PDZD2: variants seen among roughly 807,000 people sequenced by gnomAD.
PDZD2 encodes the protein PDZ domain containing 2.
In PDZD2, 90 loss-of-function variants were observed where a neutral mutation model predicts 220.7. The ratio of observed to expected loss-of-function variants is 0.41; its 90% CI spans 0.34 to 0.49. The LOEUF (loss-of-function observed/expected upper bound fraction) is 0.49. Ranked by LOEUF, PDZD2 falls within the 20% of genes least tolerant of loss-of-function variation. The pLI is 0.28. For missense variants in PDZD2, 3,174 were observed against 3,608.5 expected (o/e 0.88, Z 3.08); for synonymous variants, 1,375 against 1,450.5 (o/e 0.95, Z 1.18).
rs1742791210 is a variant in PDZD2, at chr5:32,088,871, A to G, written c.5423A>G (p.His1808Arg). Residue 1808 changes from histidine (H) to arginine (R), a missense_variant, in exon 20 of 25, where the codon CAT becomes CGT. His to Arg is a conservative substitution (Grantham distance 29). Coordinates refer to ENST00000438447, the MANE Select transcript of PDZD2 (RefSeq NM_178140.4). The surrounding 1 kb of genome is among the most constrained non-coding windows in gnomAD (Gnocchi z 4.6). ...GCCTGGTTTAAAGAAATAAATAAAC[A>G]TAACCAAGGCACACATTTGAGGAGC... ...IMAWFKEINK[H>R]NQGTHLRSKT... 6 of 1,614,132 alleles carry G rather than the reference A, an allele frequency of 3.7e-6. No individual in the cohort carries two copies. The East Asian group carries it at 1.3e-4, about 36-fold the overall frequency.
intron 7 of PDZD2, among the ~76,000 whole-genome samples, chr5:32,042,432 G>T (rs189300721): frequency 6.6e-6 from 1 of 151,882 alleles, no homozygotes; most frequent in Non-Finnish European, 1.5e-5. Context: ...AATTAGTTGG[G>T]TGTGGTGGCA....
intron 1 of PDZD2, among the ~76,000 whole-genome samples, chr5:31,648,374 C>T (rs1355580802): frequency 6.6e-6 from 1 of 152,126 alleles, no homozygotes; most frequent in Non-Finnish European, 1.5e-5. Context: ...TTTCCTTCTC[C>T]TCCTCCCGTC....
At position 32,000,040 on chromosome 5, in the gene PDZD2, A is replaced by T. The variant is rs1273102492; in HGVS notation, c.1122-99A>T. On this transcript the variant is annotated intron_variant, in intron 4 of 24. Coordinates refer to ENST00000438447, the MANE Select transcript of PDZD2 (RefSeq NM_178140.4). This position sits in a 1 kb window ranked among gnomAD's most constrained non-coding sequence, Gnocchi z 4.5. The stretch of plus-strand genomic sequence containing the variant: ...CAGTATCCTCTTTAGCCCAATCTTA[A>T]CCGTCCCTCCTCACAACCCTCCCTA... 6.9e-6 allele frequency: 7 copies of T among 1,020,682 alleles called. No homozygotes were observed. The highest frequency in any genetic ancestry group is 1.0e-5 in the Non-Finnish European group (7 of 676,584). The allele number at this position is 1,020,682 out of a possible 1,614,324, so 63.2% of individuals were successfully genotyped here.
At chr5:31,744,355 A>C (rs1364777369) in intron 1 of PDZD2, 1 of 152,196 alleles carries the variant, frequency 6.6e-6, no homozygotes, top group Non-Finnish European at 1.5e-5. Context: ...CCACTAACAA[A>C]GAAGGGTCAG....
chr5:31,667,354 C>T (rs547671416), intron 1 of PDZD2, among the ~76,000 whole-genome samples: 24 of 151,936 alleles, frequency 1.6e-4, no homozygotes, highest in African/African-American at 5.6e-4. Flanking sequence ...CTACTCAGCA[C>T]CCACATTCTA....
At chr5:31,746,050 T>C (rs939141601) in intron 1 of PDZD2, among the ~76,000 whole-genome samples, 1 of 152,130 alleles carries the variant, frequency 6.6e-6, no homozygotes, top group African/African-American at 2.4e-5. Flanking sequence ...GGGCTCTAAA[T>C]AGAACTGTGG....
At chr5:31,981,038 G>A (rs148906855) in intron 2 of PDZD2, among the ~76,000 whole-genome samples, 1,896 of 152,112 alleles carry the variant, frequency 0.012, 43 homozygotes, top group African/African-American at 0.043. Context: ...CTCCTGCCTC[G>A]GCCTCCCAAA....
chr5:31,843,200 G>A (rs976999861), intron 2 of PDZD2: 2 of 151,762 alleles, frequency 1.3e-5, no homozygotes, highest in Admixed American at 1.3e-4. Flanking sequence ...TGTTTTTAAT[G>A]ACATTCTTCA....
chr5:31,776,607 C>T (rs959276311), intron 1 of PDZD2, among the ~76,000 whole-genome samples: 11 of 149,630 alleles, frequency 7.4e-5, no homozygotes, highest in African/African-American at 1.2e-4. Context: ...TGAACCACCA[C>T]GCCTGGCCTT....
intron 2 of PDZD2, among the ~76,000 whole-genome samples, chr5:31,812,801 A>C (rs1405003762): frequency 1.3e-5 from 2 of 152,162 alleles, no homozygotes; most frequent in Non-Finnish European, 1.5e-5. Context: ...GGCTGTTCTC[A>C]AATTCTTGGC....
chr5:31,913,189 CA>C (rs1307337909), intron 2 of PDZD2, among the ~76,000 whole-genome samples: 3 of 151,938 alleles, frequency 2.0e-5, no homozygotes, highest in Admixed American at 2.0e-4. Context: ...GCCAATATGG[CA>C]AAACCCTGGG....
intron 2 of PDZD2, among the ~76,000 whole-genome samples, chr5:31,841,370 A>C (rs1416608832): frequency 2.6e-5 from 4 of 152,160 alleles, no homozygotes; most frequent in African/African-American, 7.2e-5. Context: ...CCTAACTGTA[A>C]AATGGAATTA....
At chr5:31,794,886 G>A (rs942097318) in intron 1 of PDZD2, among the ~76,000 whole-genome samples, 4 of 152,170 alleles carry the variant, frequency 2.6e-5, no homozygotes, top group Non-Finnish European at 5.9e-5. Flanking sequence ...ATAGGAGAAC[G>A]TCTAGAATCC....
At chr5:31,645,240 T>C (rs973392516) in intron 1 of PDZD2, among the ~76,000 whole-genome samples, 10 of 152,136 alleles carry the variant, frequency 6.6e-5, no homozygotes, top group Admixed American at 5.9e-4. Flanking sequence ...GTCCATGGCA[T>C]ATTTGGCCCT....
At chr5:31,909,112 C>G (rs1742953975) in intron 2 of PDZD2, 1 of 171,692 alleles carries the variant, frequency 5.8e-6, no homozygotes, top group South Asian at 1.6e-4. Flanking sequence ...GGTTGCTTTA[C>G]TGGACTACTG....
chr5:31,785,386 T>C (rs1259090901), intron 1 of PDZD2, among the ~76,000 whole-genome samples: 1 of 147,966 alleles, frequency 6.8e-6, no homozygotes, highest in Admixed American at 6.8e-5. Flanking sequence ...TATATTTATA[T>C]ATATAAATAT....
At chr5:32,103,687 G>A (rs138967141) in intron 24 of PDZD2, 7 of 152,362 alleles carry the variant, frequency 4.6e-5, no homozygotes, top group South Asian at 2.1e-4. Flanking sequence ...GGCCGCCTTC[G>A]TGGTTGGTCA....
intron 1 of PDZD2, among the ~76,000 whole-genome samples, chr5:31,726,421 CA>C (rs1473491130): frequency 6.6e-6 from 1 of 152,164 alleles, no homozygotes; most frequent in African/African-American, 2.4e-5. Flanking sequence ...CCCAGCTACT[CA>C]GGAGGCTGAG....
chr5:32,087,488 C>T lies in PDZD2; in HGVS notation c.4040C>T (p.Ser1347Phe). 1 of 1,613,280 alleles carries T rather than the reference C, an allele frequency of 6.2e-7. No individual in the cohort carries two copies. Among genetic ancestry groups the T allele is most frequent in the Non-Finnish European group, 8.5e-7 (1 of 1,179,578 alleles). Residue 1347 changes from serine to phenylalanine, a missense_variant, in exon 20 of 25, where the codon TCC becomes TTC. Coordinates refer to ENST00000438447, the MANE Select transcript of PDZD2 (RefSeq NM_178140.4). The surrounding 1 kb of genome is among the most constrained non-coding windows in gnomAD (Gnocchi z 4.0). ...GAVLPGDPLT[S>F]QEQRQGAPGN... ...GTCCTGCCAGGAGACCCCCTCACAT[C>T]CCAGGAGCAGAGACAGGGAGCTCCA...
Sources: allele counts gnomAD v4.1 joint callset (sites outside exome capture counted in the v4.1 genomes callset), GRCh38; gene constraint gnomAD v4.1.1; non-coding constraint Gnocchi (gnomAD v3.1); transcripts MANE v1.5; gene names NCBI Gene and HGNC (gene_info 2026-07-23, HGNC 2026-07-21).